The following PTPN5 variants were observed in gnomAD, a reference collection of about 807,000 sequenced individuals.
The protein encoded by PTPN5 is tyrosine-protein phosphatase non-receptor type 5.
Under a neutral mutation model 73.9 loss-of-function variants are expected in PTPN5, and 29 were observed. The observed-to-expected ratio is 0.39, with a 90% CI of 0.29 to 0.54. The LOEUF (loss-of-function observed/expected upper bound fraction) is 0.54, where lower values mean the gene tolerates loss of function less well. Ranked by LOEUF, PTPN5 falls within the 20% of genes least tolerant of loss-of-function variation. PTPN5 has a pLI of 0.65. For missense variants in PTPN5, 652 were observed against 751.4 expected (o/e 0.87, Z 1.55); for synonymous variants, 267 against 304.7 (o/e 0.88, Z 1.29).
chr11:18,789,499 G>A (rs930700954), intron 1 of PTPN5, among the ~76,000 whole-genome samples: 8 of 152,048 alleles, frequency 5.3e-5, no homozygotes, highest in African/African-American at 1.9e-4. Context: ...AAAACCCAGG[G>A]GCCACCATTC....
intron 8 of PTPN5, 72 bp from the exon 9 acceptor site, chr11:18,738,036 C>T (rs1037838605): frequency 1.3e-5 from 16 of 1,255,198 alleles, no homozygotes; most frequent in Non-Finnish European, 1.9e-5. Context: ...GGCTGCTGTG[C>T]CCCCAACTCC....
At chr11:18,783,712 G>A (rs1179540892) in intron 1 of PTPN5, among the ~76,000 whole-genome samples, 1 of 152,198 alleles carries the variant, frequency 6.6e-6, no homozygotes, top group Non-Finnish European at 1.5e-5. Flanking sequence ...GACCACTGTT[G>A]CCAGGTGACT....
chr11:18,765,003 C>T (rs1850577273), intron 3 of PTPN5, among the ~76,000 whole-genome samples: 1 of 152,174 alleles, frequency 6.6e-6, no homozygotes, highest in Non-Finnish European at 1.5e-5. Context: ...TGAGCCACCG[C>T]ACCTGGCCCA....
At chr11:18,763,726 T>C (rs1428034034) in intron 3 of PTPN5, among the ~76,000 whole-genome samples, 2 of 152,220 alleles carry the variant, frequency 1.3e-5, no homozygotes, top group African/African-American at 4.8e-5. Flanking sequence ...TGAGACCTAG[T>C]AGGTGCTCAA....
intron 3 of PTPN5, among the ~76,000 whole-genome samples, chr11:18,751,656 A>G (rs1397343607): frequency 6.6e-6 from 1 of 152,108 alleles, no homozygotes; most frequent in Admixed American, 6.5e-5. Flanking sequence ...TAATCTCCAC[A>G]CTCTCCAGGC....
At chr11:18,764,572 G>C (rs1324640819) in intron 3 of PTPN5, among the ~76,000 whole-genome samples, 2 of 152,114 alleles carry the variant, frequency 1.3e-5, no homozygotes, top group South Asian at 2.1e-4. Flanking sequence ...ACTCATACCT[G>C]GTTGTTTCCA....
At chr11:18,763,791 T>C (rs1225730216) in intron 3 of PTPN5, among the ~76,000 whole-genome samples, 1 of 152,304 alleles carries the variant, frequency 6.6e-6, no homozygotes, top group East Asian at 1.9e-4. Flanking sequence ...CCCAGGACAC[T>C]TGTGAGGATA....
intron 3 of PTPN5, among the ~76,000 whole-genome samples, chr11:18,747,860 T>C (rs1849709885): frequency 6.6e-6 from 1 of 152,202 alleles, no homozygotes; most frequent in Non-Finnish European, 1.5e-5. Flanking sequence ...ATAGAGATCA[T>C]AGAGCATGGA....
chr11:18,744,458 A>G (rs1300630035), intron 3 of PTPN5: 1 of 352,598 alleles, frequency 2.8e-6, no homozygotes, highest in Non-Finnish European at 5.0e-6. Flanking sequence ...CAGGGAGTTA[A>G]TATAGTTGTA....
chr11:18,731,259 A>G (rs994053943), intron 12 of PTPN5, among the ~76,000 whole-genome samples: 3 of 150,170 alleles, frequency 2.0e-5, no homozygotes, highest in Admixed American at 1.3e-4. Context: ...CATATATGAT[A>G]TACATATCCT....
At chr11:18,775,051 G>T (rs7932996) in intron 1 of PTPN5, among the ~76,000 whole-genome samples, 14,699 of 152,190 alleles carry the variant, frequency 0.097, 1,939 homozygotes, top group African/African-American at 0.3. Context: ...CTCCAGGGCA[G>T]GTGTTAGCAA....
chr11:18,740,479 G>C (rs1184576615), intron 8 of PTPN5, 124 bp downstream of exon 8: 1 of 871,496 alleles, frequency 1.1e-6, no homozygotes, highest in African/African-American at 1.7e-5. Context: ...TGGGAGAGCT[G>C]ATAATAAAGT....
At chr11:18,754,405 C>T (rs757575587) in intron 3 of PTPN5, among the ~76,000 whole-genome samples, 1 of 152,216 alleles carries the variant, frequency 6.6e-6, no homozygotes, top group Admixed American at 6.5e-5. Flanking sequence ...TCCTTTCCTC[C>T]GAGCTGGTTC....
intron 3 of PTPN5, among the ~76,000 whole-genome samples, chr11:18,763,687 T>C (rs749003576): frequency 6.6e-6 from 1 of 152,244 alleles, no homozygotes; most frequent in African/African-American, 2.4e-5. Flanking sequence ...TCTGTTTTAT[T>C]TACCTCTATA....
chr11:18,758,913 A>G (rs1202979336), intron 3 of PTPN5, among the ~76,000 whole-genome samples: 1 of 152,130 alleles, frequency 6.6e-6, no homozygotes, highest in East Asian at 1.9e-4. Context: ...CATCCAGGCA[A>G]CTCCCTAGAA....
chr11:18,772,027 C>A lies in PTPN5; in HGVS notation c.-69G>T. On this transcript the variant is annotated 5_prime_UTR_variant, in exon 2 of 15. Transcript: ENST00000358540. ...GGAAGCTTTCTCAGCAAAAAGCAAGCTGGTGATATAAATGAAGGAGAGAGG... is the reference window on the plus strand; with the variant it reads ...GGAAGCTTTCTCAGCAAAAAGCAAGATGGTGATATAAATGAAGGAGAGAGG... 3 of 1,289,362 alleles carry A rather than the reference C, an allele frequency of 2.3e-6. No homozygotes were observed. Among genetic ancestry groups the A allele is most frequent in the Non-Finnish European group, 3.2e-6 (3 of 932,068 alleles). The allele number at this position is 1,289,362 out of a possible 1,614,324, so 79.9% of individuals were successfully genotyped here.
chr11:18,777,028 G>A (rs897926156), intron 1 of PTPN5, among the ~76,000 whole-genome samples: 9 of 152,192 alleles, frequency 5.9e-5, no homozygotes, highest in Non-Finnish European at 1.3e-4. Context: ...GGGCGTGGTG[G>A]CGGGCGCCTG....
chr11:18,746,483 C>T (rs946213583), intron 3 of PTPN5, among the ~76,000 whole-genome samples: 53 of 151,988 alleles, frequency 3.5e-4, no homozygotes, highest in African/African-American at 1.1e-3. Context: ...TGAGCCACTG[C>T]GCCCGGCAGC....
At chr11:18,732,000 G>A (rs1385025767) in intron 12 of PTPN5, among the ~76,000 whole-genome samples, 1 of 152,160 alleles carries the variant, frequency 6.6e-6, no homozygotes, top group African/African-American at 2.4e-5. Context: ...TGATCCTGGA[G>A]GAAGCACAAC....
Sources: allele counts gnomAD v4.1 joint callset (sites outside exome capture counted in the v4.1 genomes callset), GRCh38; gene constraint gnomAD v4.1.1; transcripts MANE v1.5; gene names NCBI Gene and HGNC (gene_info 2026-07-23, HGNC 2026-07-21).